Variants in GRIA4 observed in about 807,000 individuals in gnomAD.
GRIA4 encodes the protein glutamate receptor 4.
In GRIA4, 34 loss-of-function variants were observed where a neutral mutation model predicts 104.0. The ratio of observed to expected loss-of-function variants is 0.33; its 90% confidence interval spans 0.25 to 0.44. GRIA4 has a LOEUF of 0.44. Among genes scored for constraint, GRIA4 ranks in the 20% least tolerant of loss-of-function variants. The pLI, the probability that GRIA4 is intolerant of heterozygous loss-of-function variation, is 1.00. For synonymous variants in GRIA4, 386 were observed against 381.9 expected (o/e 1.01, Z -0.13); for missense variants, 750 against 1,096.5 (o/e 0.68, Z 4.46).
chr11:105,933,612 T>C, intron 13 of GRIA4, 110 bp from the exon 14 acceptor site: 1 of 730,638 alleles, frequency 1.4e-6, no homozygotes. Context: ...AAATTGGAGT[T>C]AGAGAGCAAT....
rs1035039177 is a variant in GRIA4, at chr11:105,979,864, T to C, written c.*125T>C. 3.7e-5 allele frequency: 24 copies of C among 649,624 alleles called. 1 individual carries two copies. Among genetic ancestry groups the C allele is most frequent in the Non-Finnish European group, 6.3e-5 (24 of 379,892 alleles). The allele number at this position is 649,624 out of a possible 1,614,324, so 40.2% of individuals were successfully genotyped here. A position where few individuals can be genotyped will look rare whatever the true frequency, so the allele number is the denominator to read the frequency against. On this transcript the variant is annotated 3_prime_UTR_variant, in exon 17 of 17. Coordinates refer to ENST00000282499, the MANE Select transcript of GRIA4 (RefSeq NM_000829.4). ...CCTTTGGCTGAGAGCGGGAAGTCCGTCCTAACGCGCTGGCCGGACATCAGC... is the reference window on the plus strand; with the variant it reads ...CCTTTGGCTGAGAGCGGGAAGTCCGCCCTAACGCGCTGGCCGGACATCAGC...
intron 3 of GRIA4, among the ~76,000 whole-genome samples, chr11:105,633,597 C>A (rs776501783): frequency 6.6e-6 from 1 of 152,156 alleles, no homozygotes. Flanking sequence ...ACAAACTTAT[C>A]TTCCATGACC....
intron 5 of GRIA4, among the ~76,000 whole-genome samples, chr11:105,883,545 T>C (rs1175882601): frequency 1.3e-5 from 2 of 151,974 alleles, no homozygotes; most frequent in African/African-American, 2.4e-5. Flanking sequence ...TTTGTCCTTG[T>C]GATAGTTTGC....
At chr11:105,895,133 A>G (rs1172825184) in intron 6 of GRIA4, among the ~76,000 whole-genome samples, 1 of 152,196 alleles carries the variant, frequency 6.6e-6, no homozygotes, top group Non-Finnish European at 1.5e-5. Context: ...CAAAAAATAA[A>G]CAAAACACTC....
chr11:105,753,306 G>A, intron 4 of GRIA4, 86 bp downstream of exon 4: 1 of 1,204,234 alleles, frequency 8.3e-7, no homozygotes, highest in Non-Finnish European at 1.2e-6. Context: ...TTAGCAAATT[G>A]TTTGATCTCT....
At position 105,745,999 on chromosome 11, in the gene GRIA4, T is replaced by C. The variant is rs575290856; in HGVS notation, c.248-6982T>C. ...AAATTAATACATTTCCCTCTTCCAATATTAGTAGAGATTTTTTATTAATAC... is the reference window on the plus strand; with the variant it reads ...AAATTAATACATTTCCCTCTTCCAACATTAGTAGAGATTTTTTATTAATAC... On this transcript the variant is annotated intron_variant, in intron 3 of 16. Transcript: ENST00000282499. Among the ~76,000 whole-genome samples, 23 of 152,256 alleles carry C rather than the reference T, an allele frequency of 1.5e-4. No homozygotes were observed. In the East Asian group the frequency reaches 4.4e-3, roughly 29 times the overall value.
chr11:105,906,694 G>A (rs977155599), intron 9 of GRIA4, among the ~76,000 whole-genome samples: 1 of 152,120 alleles, frequency 6.6e-6, no homozygotes, highest in East Asian at 1.9e-4. Context: ...TCCAGATCAG[G>A]AGTGGCAGGA....
intron 3 of GRIA4, among the ~76,000 whole-genome samples, chr11:105,674,966 A>G (rs533838821): frequency 3.3e-5 from 5 of 151,924 alleles, no homozygotes; most frequent in South Asian, 4.1e-4. Context: ...AATTGAAGCT[A>G]TAAGTGCCTA....
chr11:105,723,838 C>T lies in GRIA4; in HGVS notation c.248-29143C>T, dbSNP rs572187572. Reference sequence around the variant, plus strand: ...TGAATTTATAATGAACTCAATGCAGCGTCACCAACAACAAAACAAATAATG... The same window carrying T: ...TGAATTTATAATGAACTCAATGCAGTGTCACCAACAACAAAACAAATAATG... On this transcript the variant is annotated intron_variant, in intron 3 of 16. Coordinates refer to ENST00000282499, the MANE Select transcript of GRIA4 (RefSeq NM_000829.4). Among the ~76,000 whole-genome samples, 8 of 152,058 alleles carry T rather than the reference C, an allele frequency of 5.3e-5. 1 individual carries two copies. Among genetic ancestry groups the T allele is most frequent in the African/African-American group, 1.7e-4 (7 of 41,518 alleles).
intron 4 of GRIA4, among the ~76,000 whole-genome samples, chr11:105,827,063 C>T (rs1008674369): frequency 2.0e-5 from 3 of 151,940 alleles, no homozygotes; most frequent in Non-Finnish European, 4.4e-5. Context: ...TCCAGAAAGT[C>T]CTACCACTCA....
intron 3 of GRIA4, among the ~76,000 whole-genome samples, chr11:105,738,920 T>TAAAAAAAA (rs1208334069): frequency 6.1e-5 from 3 of 49,306 alleles, no homozygotes; most frequent in African/African-American, 2.3e-4. Flanking sequence ...AGTTGACAAG[T>TAAAAAAAA]AAAAAAAAAC....
chr11:105,754,981 C>G (rs1408163083), intron 4 of GRIA4, among the ~76,000 whole-genome samples: 1 of 152,104 alleles, frequency 6.6e-6, no homozygotes, highest in Non-Finnish European at 1.5e-5. Context: ...TTCCTTTGGT[C>G]TGTTTTGTTT....
At chr11:105,714,145 T>A (rs1259198610) in intron 3 of GRIA4, among the ~76,000 whole-genome samples, 1 of 152,114 alleles carries the variant, frequency 6.6e-6, no homozygotes, top group Non-Finnish European at 1.5e-5. Flanking sequence ...CTTTGAGATA[T>A]AAAATTAATG....
intron 3 of GRIA4, among the ~76,000 whole-genome samples, chr11:105,641,121 A>C (rs1951347386): frequency 6.6e-6 from 1 of 152,164 alleles, no homozygotes; most frequent in Non-Finnish European, 1.5e-5. Context: ...AAGAAAGTAA[A>C]AGTAAAATAA....
Position 105,712,802 on chromosome 11 carries a change from G to C in GRIA4, c.248-40179G>C, listed in dbSNP as rs1485913316. Among the ~76,000 whole-genome samples the C allele has an allele frequency of 2.6e-5, 4 of 151,512 alleles. No homozygotes were observed. The East Asian group carries it at 7.8e-4, about 29-fold the overall frequency. On this transcript the variant is annotated intron_variant, in intron 3 of 16. Transcript: ENST00000282499. ...AGATTTAAAAGTACATTTGGCCTTA[G>C]GCCATTCCTCATAACTAGTGAAAGC...
At chr11:105,804,010 T>C (rs1180495764) in intron 4 of GRIA4, among the ~76,000 whole-genome samples, 6 of 151,898 alleles carry the variant, frequency 4.0e-5, no homozygotes, top group South Asian at 2.1e-4. Flanking sequence ...AATTTGGGCA[T>C]AGAAAATTAA....
At position 105,626,320 on chromosome 11, in the gene GRIA4, G is replaced by T. The variant is rs545626340; in HGVS notation, c.247+13886G>T. ...TTCAGATTGAAAAGAAATGACAAAA[G>T]ATATACAACAGAAAATTCACATTGG... On this transcript the variant is annotated intron_variant, in intron 3 of 16. Transcript: ENST00000282499. Among the ~76,000 whole-genome samples, 4 of 151,866 alleles carry T rather than the reference G, an allele frequency of 2.6e-5. No homozygotes were observed. The South Asian group carries it at 8.3e-4, about 32-fold the overall frequency.
intron 4 of GRIA4, among the ~76,000 whole-genome samples, chr11:105,794,512 T>TATACATAC (rs1313325715): frequency 3.7e-5 from 4 of 106,906 alleles, no homozygotes; most frequent in African/African-American, 1.5e-4. Flanking sequence ...TATATATATA[T>TATACATAC]ACATATACAC....
At chr11:105,838,493 T>G (rs1328339706) in intron 4 of GRIA4, among the ~76,000 whole-genome samples, 2 of 152,200 alleles carry the variant, frequency 1.3e-5, no homozygotes, top group African/African-American at 2.4e-5. Flanking sequence ...TGGCCAACAT[T>G]TGAAAAGTTA....
Sources: allele counts gnomAD v4.1 joint callset (sites outside exome capture counted in the v4.1 genomes callset), GRCh38; gene constraint gnomAD v4.1.1; transcripts MANE v1.5; gene names NCBI Gene and HGNC (gene_info 2026-07-23, HGNC 2026-07-21).